The following MDGA2 variants were observed in gnomAD, a reference collection of about 807,000 sequenced individuals.
MDGA2 encodes MAM domain containing glycosylphosphatidylinositol anchor 2.
Under a neutral mutation model 117.8 loss-of-function variants are expected in MDGA2, and 40 were observed. The observed-to-expected ratio is 0.34, with a 90% CI of 0.26 to 0.44. MDGA2 has a LOEUF of 0.44. Among genes scored for constraint, MDGA2 ranks in the 20% least tolerant of loss-of-function variants. The probability of loss-of-function intolerance (pLI) is 1.00; values close to 1 mark genes in which losing one functional copy is unlikely to be tolerated. For missense variants in MDGA2, 1,123 were observed against 1,250.6 expected (o/e 0.90, Z 1.54); for synonymous variants, 452 against 439.0 (o/e 1.03, Z -0.37).
chr14:47,496,083 A>G (rs1008261473), intron 1 of MDGA2, among the ~76,000 whole-genome samples: 4 of 152,200 alleles, frequency 2.6e-5, no homozygotes, highest in African/African-American at 7.2e-5. Context: ...TTTTCATTCT[A>G]CACATTGAAT....
chr14:47,382,004 G>C (rs897317520), intron 1 of MDGA2, among the ~76,000 whole-genome samples: 1 of 152,084 alleles, frequency 6.6e-6, no homozygotes, highest in African/African-American at 2.4e-5. Flanking sequence ...CCAAAACAGA[G>C]ATAAAGACCA....
chr14:47,372,220 T>C (rs1164428684), intron 1 of MDGA2, among the ~76,000 whole-genome samples: 1 of 151,294 alleles, frequency 6.6e-6, no homozygotes. Context: ...CAAACCACAA[T>C]GACTGGGGGA....
intron 4 of MDGA2, among the ~76,000 whole-genome samples, chr14:47,141,981 C>G (rs1882740265): frequency 6.6e-6 from 1 of 151,950 alleles, no homozygotes; most frequent in Non-Finnish European, 1.5e-5. Flanking sequence ...CACACCATAC[C>G]AGATAAATAT....
At chr14:47,329,005 C>T (rs564277116) in intron 1 of MDGA2, among the ~76,000 whole-genome samples, 1 of 152,188 alleles carries the variant, frequency 6.6e-6, no homozygotes, top group South Asian at 2.1e-4. Flanking sequence ...ACTTAATTGC[C>T]TATTTAATAA....
chr14:47,107,639 A>G (rs545953896), intron 5 of MDGA2, among the ~76,000 whole-genome samples: 20 of 151,320 alleles, frequency 1.3e-4, no homozygotes, highest in African/African-American at 4.9e-4. Context: ...ATAAAAACAC[A>G]CGTGCTCTCC....
At chr14:46,863,081 T>G (rs1881576694) in intron 14 of MDGA2, among the ~76,000 whole-genome samples, 1 of 152,064 alleles carries the variant, frequency 6.6e-6, no homozygotes, top group Non-Finnish European at 1.5e-5. Context: ...TCTATCACTT[T>G]CTCTACTCTT....
At chr14:47,378,517 C>G (rs1033228250) in intron 1 of MDGA2, among the ~76,000 whole-genome samples, 3 of 152,114 alleles carry the variant, frequency 2.0e-5, no homozygotes, top group Non-Finnish European at 2.9e-5. Flanking sequence ...TAGAGAAGAG[C>G]TTAAATGACC....
At chr14:47,015,278 T>G (rs917455502) in intron 8 of MDGA2, among the ~76,000 whole-genome samples, 2 of 150,256 alleles carry the variant, frequency 1.3e-5, no homozygotes, top group Non-Finnish European at 3.0e-5. Flanking sequence ...ATTGCAAGAA[T>G]TACCAAAATG....
At position 47,395,550 on chromosome 14, in the gene MDGA2, C is replaced by T. The variant is rs150632067; in HGVS notation, c.281-94000G>A. Among the ~76,000 whole-genome samples the T allele has an allele frequency of 2.8e-3, 426 of 151,954 alleles. 4 individuals carry two copies. The highest frequency in any genetic ancestry group is 0.017 in the East Asian group (90 of 5,168). ...TTTAAATAATTTACTAAAGTAAATA[C>T]CTAGTGATTGGAAAATGATGTTATT... On this transcript the variant is annotated intron_variant, in intron 1 of 16. Transcript: ENST00000399232.
chr14:47,177,451 C>T (rs1015495838), intron 3 of MDGA2, among the ~76,000 whole-genome samples: 2 of 152,262 alleles, frequency 1.3e-5, no homozygotes, highest in East Asian at 3.9e-4. Flanking sequence ...CACATAGACA[C>T]CATGGAATAC....
At chr14:47,073,638 ATTAT>A in intron 6 of MDGA2, among the ~76,000 whole-genome samples, 1 of 152,232 alleles carries the variant, frequency 6.6e-6, no homozygotes, top group Admixed American at 6.5e-5. Flanking sequence ...ACAGTATTTT[ATTAT>A]AAGACAACTC....
intron 2 of MDGA2, among the ~76,000 whole-genome samples, chr14:47,265,752 G>A (rs1383477812): frequency 1.3e-5 from 2 of 152,004 alleles, no homozygotes; most frequent in East Asian, 3.9e-4. Flanking sequence ...AAGGAGTGGT[G>A]ACATTACTAT....
At position 47,491,004 on chromosome 14, in the gene MDGA2, G is replaced by T. The variant is rs1894157712; in HGVS notation, c.280+183513C>A. On this transcript the variant is annotated intron_variant, in intron 1 of 16. Coordinates refer to ENST00000399232, the MANE Select transcript of MDGA2 (RefSeq NM_001113498.3). ...TTTTTTGTCTGTTGAAGAACTGGAA[G>T]AATTGGCCTTTGATACTCGGACAGT... Among the ~76,000 whole-genome samples the T allele has an allele frequency of 3.3e-5, 5 of 152,226 alleles. No individual in the cohort carries two copies. The South Asian group carries it at 1.0e-3, about 32-fold the overall frequency.
At chr14:47,149,116 C>A (rs1883063168) in intron 3 of MDGA2, among the ~76,000 whole-genome samples, 1 of 151,932 alleles carries the variant, frequency 6.6e-6, no homozygotes, top group South Asian at 2.1e-4. Context: ...CATGGTGAAA[C>A]CCATCTCTAC....
intron 1 of MDGA2, among the ~76,000 whole-genome samples, chr14:47,335,734 T>TTATATA (rs1555374514): frequency 2.7e-4 from 13 of 47,980 alleles, no homozygotes; most frequent in Admixed American, 4.8e-4. Flanking sequence ...CACATATATT[T>TTATATA]TATATATATA....
At chr14:47,577,295 T>C (rs1303480803) in intron 1 of MDGA2, among the ~76,000 whole-genome samples, 3 of 152,124 alleles carry the variant, frequency 2.0e-5, no homozygotes, top group African/African-American at 7.2e-5. Context: ...TAACTCCAGA[T>C]GGGTTAAAGA....
intron 1 of MDGA2, among the ~76,000 whole-genome samples, chr14:47,644,210 G>T (rs2138252877): frequency 6.6e-6 from 1 of 152,264 alleles, no homozygotes; most frequent in Admixed American, 6.5e-5. Context: ...ATATGGCAAA[G>T]AGAACTTTGA....
Position 46,884,380 on chromosome 14 carries a change from T to G in MDGA2, c.2239-2159A>C, listed in dbSNP as rs990413184. ...ATTTTTACGTAGTACTTTCTCTATG[T>G]ACACACACATACACATGTACACATT... On this transcript the variant is annotated intron_variant, in intron 10 of 16. Transcript: ENST00000399232. This position sits in a 1 kb window ranked among gnomAD's most constrained non-coding sequence, Gnocchi z 4.1. Among the ~76,000 whole-genome samples, 1 of 152,126 alleles carries G rather than the reference T, an allele frequency of 6.6e-6. No homozygotes were observed. Among genetic ancestry groups the G allele is most frequent in the African/African-American group, 2.4e-5 (1 of 41,442 alleles).
At chr14:47,559,123 G>A (rs908934208) in intron 1 of MDGA2, among the ~76,000 whole-genome samples, 2 of 152,142 alleles carry the variant, frequency 1.3e-5, no homozygotes, top group Non-Finnish European at 2.9e-5. Flanking sequence ...GGGTACACGT[G>A]CAGATTTATT....
Sources: gnomAD v4.1 joint callset for allele counts (sites outside exome capture counted in the v4.1 genomes callset) on GRCh38, gnomAD v4.1.1 for gene constraint, Gnocchi (gnomAD v3.1) non-coding constraint, MANE v1.5 for transcripts, NCBI Gene and HGNC (gene_info 2026-07-23, HGNC 2026-07-21) for gene names.